The following ACADS variants were observed in gnomAD, a reference collection of about 807,000 sequenced individuals.
The protein encoded by ACADS is acyl-CoA dehydrogenase short chain.
Under a neutral mutation model 46.8 loss-of-function variants are expected in ACADS, and 28 were observed. The observed-to-expected ratio is 0.60, with a 90% CI of 0.44 to 0.82. The LOEUF is 0.82. ACADS is among the 40% of genes least tolerant of loss of function. ACADS has a pLI of 0.00. For missense variants in ACADS, 528 were observed against 578.0 expected (o/e 0.91, Z 0.89); for synonymous variants, 236 against 237.7 (o/e 0.99, Z 0.07).
At chr12:120,732,337 G>A (rs1228545040) in intron 2 of ACADS, among the ~76,000 whole-genome samples, 4 of 151,714 alleles carry the variant, frequency 2.6e-5, no homozygotes, top group Non-Finnish European at 5.9e-5. Flanking sequence ...CCCGGACGGG[G>A]TGGCTGCCGG....
rs747267002 is a variant in ACADS, at chr12:120,738,267, C to T, written c.625-13C>T. ...GGGGCAGCTCTGAGAAAACCACCCGCCTCTCCTTTCAGGGCATCAGTGCCT... is the reference window on the plus strand; with the variant it reads ...GGGGCAGCTCTGAGAAAACCACCCGTCTCTCCTTTCAGGGCATCAGTGCCT... On this transcript the variant is annotated splice_polypyrimidine_tract_variant and intron_variant, in intron 5 of 9. Transcript: ENST00000242592. 1.2e-6 allele frequency: 2 copies of T among 1,614,104 alleles called. No homozygotes were observed. The highest frequency in any genetic ancestry group is 4.5e-5 in the East Asian group (2 of 44,866).
intron 2 of ACADS, among the ~76,000 whole-genome samples, chr12:120,735,370 A>C (rs1276401280): frequency 2.0e-5 from 3 of 150,434 alleles, no homozygotes; most frequent in Admixed American, 6.6e-5. Context: ...AAAAAAAAAA[A>C]AAAACAACTT....
At chr12:120,732,543 G>A (rs148589034) in intron 2 of ACADS, among the ~76,000 whole-genome samples, 3,973 of 151,336 alleles carry the variant, frequency 0.026, 84 homozygotes, top group South Asian at 0.064. Context: ...CCTCCCAGAC[G>A]GGGTGGCGGT....
Position 120,727,021 on chromosome 12 carries a change from G to T in ACADS, c.47-5G>T. 1.2e-6 allele frequency: 2 copies of T among 1,614,068 alleles called. No homozygotes were observed. Among genetic ancestry groups the T allele is most frequent in the Non-Finnish European group, 1.7e-6 (2 of 1,180,018 alleles). Reference sequence around the variant, plus strand: ...CCTTCCACTCACTTCTGCCCTTGCCGGCAGCTCTCTGTCCTAGGGCCTGGC... The same window carrying T: ...CCTTCCACTCACTTCTGCCCTTGCCTGCAGCTCTCTGTCCTAGGGCCTGGC... On this transcript the variant is annotated splice_region_variant and splice_polypyrimidine_tract_variant and intron_variant, in intron 1 of 9. Transcript: ENST00000242592.
In ACADS at chr12:120,738,684, C is replaced by G. The variant is rs753402878; in HGVS notation, c.933+14C>G. ...CAGGTCATCCAGGTAATGGTGGCAG[C>G]TTTAGGAGCTGGGCCTAGAGGCTGG... On this transcript the variant is annotated intron_variant, in intron 7 of 9. Transcript: ENST00000242592. 30 of 1,610,824 alleles carry G rather than the reference C, an allele frequency of 1.9e-5. No homozygotes were observed. Among genetic ancestry groups the G allele is most frequent in the South Asian group, 2.2e-5 (2 of 91,092 alleles).
intron 2 of ACADS, among the ~76,000 whole-genome samples, chr12:120,736,728 C>T (rs575937642): frequency 6.6e-6 from 1 of 152,268 alleles, no homozygotes; most frequent in African/African-American, 2.4e-5. Flanking sequence ...TCTGCTTGCT[C>T]GCTGCCGTGG....
At position 120,738,598 on chromosome 12, in the gene ACADS, C is replaced by T. The variant is rs375272147; in HGVS notation, c.861C>T (p.Leu287=). ...CCCTGGGCATTGCCCAGACCGCCCT[C>T]GATTGTGCTGTGAACTACGCTGAGA... ...SQALGIAQTA[L]DCAVNYAENR... is the part of the protein sequence containing the mutation. The change falls in exon 7 of 10, where the codon CTC becomes CTT. Residue 287 remains leucine (L), a synonymous_variant. Transcript: ENST00000242592. 2.0e-5 allele frequency: 32 copies of T among 1,613,256 alleles called. No homozygotes were observed. Among genetic ancestry groups the T allele is most frequent in the Non-Finnish European group, 2.5e-5 (29 of 1,180,022 alleles).
chr12:120,735,511 C>T (rs544376554), intron 2 of ACADS, among the ~76,000 whole-genome samples: 20 of 151,622 alleles, frequency 1.3e-4, no homozygotes, highest in Non-Finnish European at 1.8e-4. Context: ...GTTTTGGGGA[C>T]GGGGAAGGTA....
intron 2 of ACADS, among the ~76,000 whole-genome samples, chr12:120,731,397 G>A (rs560525471): frequency 6.6e-6 from 1 of 151,610 alleles, no homozygotes; most frequent in South Asian, 2.1e-4. Flanking sequence ...GGAGACCTGC[G>A]TATTTCTAGC....
chr12:120,737,841 C>A lies in ACADS; in HGVS notation c.477C>A (p.Asn159Lys), dbSNP rs747915680. The A allele has an allele frequency of 6.2e-7, 1 of 1,613,876 alleles. No individual in the cohort carries two copies. The highest frequency in any genetic ancestry group is 1.7e-5 in the Admixed American group (1 of 60,004). ...IGCFALSEPG[N>K]GSDAGAASTT... ...GCCCTGGGTCTGTGTGGGCAGGGAA[C>A]GGCAGTGATGCAGGAGCTGCGTCCA... is the stretch of plus-strand genomic sequence containing the variant. The change falls in exon 5 of 10, where the codon AAC becomes AAA. Residue 159 changes from asparagine (N) to lysine (K), a missense_variant. Coordinates refer to ENST00000242592, the MANE Select transcript of ACADS (RefSeq NM_000017.4).
intron 2 of ACADS, among the ~76,000 whole-genome samples, chr12:120,730,791 G>C (rs868138003): frequency 1.1e-5 from 1 of 91,234 alleles, no homozygotes; most frequent in Non-Finnish European, 1.8e-5. Flanking sequence ...GAAAAGGAGG[G>C]TGTGTCTCTG....
At chr12:120,733,237 GGGAGA>G (rs1232351269) in intron 2 of ACADS, among the ~76,000 whole-genome samples, 9 of 131,604 alleles carry the variant, frequency 6.8e-5, no homozygotes, top group Admixed American at 5.6e-4. Flanking sequence ...GGAGACCGGG[GGGAGA>G]GGGAGAGGGA....
intron 2 of ACADS, 39 bp from the exon 3 acceptor site, chr12:120,736,947 G>A (rs1481712221): frequency 4.5e-6 from 7 of 1,557,180 alleles, no homozygotes; most frequent in East Asian, 2.3e-5. Flanking sequence ...GCTCGCCCCC[G>A]GCAGCTGCCC....
Position 120,738,689 on chromosome 12 carries a change from G to A in ACADS, c.933+19G>A. 6.2e-7 allele frequency: 1 copy of A among 1,610,714 alleles called. No individual in the cohort carries two copies. The highest frequency in any genetic ancestry group is 1.7e-4 in the Middle Eastern group (1 of 6,060). On this transcript the variant is annotated intron_variant, in intron 7 of 9. Transcript: ENST00000242592. ...CATCCAGGTAATGGTGGCAGCTTTA[G>A]GAGCTGGGCCTAGAGGCTGGACAGC...
At position 120,737,095 on chromosome 12, in the gene ACADS, G is replaced by A. The variant is rs755697930; in HGVS notation, c.320G>A (p.Arg107His). 39 of 1,597,740 alleles carry A rather than the reference G, an allele frequency of 2.4e-5. 1 individual carries two copies. Among genetic ancestry groups the A allele is most frequent in the East Asian group, 4.5e-5 (2 of 44,308 alleles). The change falls in exon 3 of 10, where the codon CGT becomes CAT. Residue 107 changes from arginine (R) to histidine (H), a missense_variant. Coordinates refer to ENST00000242592, the MANE Select transcript of ACADS (RefSeq NM_000017.4). ...GCCATCGCCATGGAGGAGATCAGCC[G>A]TGGCTGCGCCTCCACCGGAGTCATC... ...AYAIAMEEIS[R>H]GCASTGVIMS...
In ACADS at chr12:120,725,951, G is replaced by C. The variant is rs561966080; in HGVS notation, c.46+20G>C. The C allele has an allele frequency of 1.8e-4, 271 of 1,529,204 alleles. 1 individual carries two copies. The highest frequency in any genetic ancestry group is 2.2e-4 in the Non-Finnish European group (250 of 1,147,070). The allele number at this position is 1,529,204 out of a possible 1,614,324, so 94.7% of individuals were successfully genotyped here. On this transcript the variant is annotated intron_variant, in intron 1 of 9. Coordinates refer to ENST00000242592, the MANE Select transcript of ACADS (RefSeq NM_000017.4). ...GCAGAGGTGAGTGCGCTGGGGATCCGTACGGCGGGGCTTCAGCCCGCGTCT... is the reference window on the plus strand; with the variant it reads ...GCAGAGGTGAGTGCGCTGGGGATCCCTACGGCGGGGCTTCAGCCCGCGTCT...
intron 2 of ACADS, among the ~76,000 whole-genome samples, chr12:120,733,979 G>A (rs953349596): frequency 5.3e-5 from 8 of 152,092 alleles, no homozygotes; most frequent in Non-Finnish European, 1.0e-4. Flanking sequence ...TCAAGGCATC[G>A]GCAGGACTGA....
chr12:120,728,802 C>T lies in ACADS; in HGVS notation c.210+1613C>T, dbSNP rs550348057. ...GATTACAGGCGTGAGCCACCACACC[C>T]GGCCTTAAAAATGAGTTTTAAAAGG... On this transcript the variant is annotated intron_variant, in intron 2 of 9. Transcript: ENST00000242592. The surrounding 1 kb of genome is among the most constrained non-coding windows in gnomAD (Gnocchi z 4.0). Among the ~76,000 whole-genome samples, 4 of 152,282 alleles carry T rather than the reference C, an allele frequency of 2.6e-5. No homozygotes were observed. Among genetic ancestry groups the T allele is most frequent in the South Asian group, 2.1e-4 (1 of 4,830 alleles).
At position 120,739,708 on chromosome 12, in the gene ACADS, T is replaced by A; in HGVS notation, c.*260T>A. On this transcript the variant is annotated 3_prime_UTR_variant, in exon 10 of 10. Transcript: ENST00000242592. The stretch of plus-strand genomic sequence containing the variant: ...CCCTGGCCTCCTGGGGGCGGGGTTG[T>A]GGGGGGGCTGAGCGACACTCAGGGA... The A allele has an allele frequency of 1.8e-6, 1 of 543,194 alleles. No individual in the cohort carries two copies. The highest frequency in any genetic ancestry group is 3.3e-6 in the Non-Finnish European group (1 of 302,394). 33.6% of individuals were successfully genotyped at this position (543,194 alleles called of 1,614,324 possible).
Sources: gnomAD v4.1 joint callset for allele counts (sites outside exome capture counted in the v4.1 genomes callset) on GRCh38, gnomAD v4.1.1 for gene constraint, Gnocchi (gnomAD v3.1) non-coding constraint, MANE v1.5 for transcripts, NCBI Gene and HGNC (gene_info 2026-07-23, HGNC 2026-07-21) for gene names.